The following ALCAM variants were observed in gnomAD, a reference collection of about 807,000 sequenced individuals.
ALCAM encodes CD166 antigen.
In ALCAM, 30 loss-of-function variants were observed where a neutral mutation model predicts 70.9. That is an observed-to-expected ratio of 0.42 (90% CI 0.32 to 0.57). The LOEUF is 0.57. Ranked by LOEUF, ALCAM falls within the 20% of genes least tolerant of loss-of-function variation. The pLI is 0.11. For synonymous variants in ALCAM, 249 were observed against 242.5 expected (o/e 1.03, Z -0.25); for missense variants, 591 against 695.1 (o/e 0.85, Z 1.68).
intron 1 of ALCAM, among the ~76,000 whole-genome samples, chr3:105,385,331 A>G (rs75713594): frequency 0.015 from 2,334 of 151,698 alleles, 26 homozygotes; most frequent in Middle Eastern, 0.048. Context: ...AAGCTGGAGG[A>G]CAAGTGAAGC....
intron 1 of ALCAM, among the ~76,000 whole-genome samples, chr3:105,495,172 C>T (rs187608468): frequency 3.3e-5 from 5 of 152,152 alleles, no homozygotes; most frequent in South Asian, 4.1e-4. Context: ...TCTGTGGTGA[C>T]GAGCTTGTGA....
intron 1 of ALCAM, among the ~76,000 whole-genome samples, chr3:105,369,406 C>G (rs1176386050): frequency 6.6e-6 from 1 of 152,204 alleles, no homozygotes; most frequent in Admixed American, 6.5e-5. Context: ...CCCGGCTCAC[C>G]GCAACCAGCC....
At chr3:105,517,937 C>G (rs1262462966) in intron 1 of ALCAM, among the ~76,000 whole-genome samples, 1 of 152,062 alleles carries the variant, frequency 6.6e-6, no homozygotes, top group Non-Finnish European at 1.5e-5. Flanking sequence ...AATACATGAT[C>G]TCTTCCCTGT....
chr3:105,509,058 G>A (rs2152619117), intron 1 of ALCAM, among the ~76,000 whole-genome samples: 1 of 152,164 alleles, frequency 6.6e-6, no homozygotes, highest in South Asian at 2.1e-4. Context: ...CCTTTGTTGA[G>A]GCTGAGTAAT....
intron 1 of ALCAM, among the ~76,000 whole-genome samples, chr3:105,381,622 T>A (rs1300288292): frequency 6.6e-6 from 1 of 151,922 alleles, no homozygotes; most frequent in East Asian, 1.9e-4. Flanking sequence ...CAGCCTATAG[T>A]TTACAGTGTC....
chr3:105,526,979 T>G (rs1224700135), intron 3 of ALCAM, among the ~76,000 whole-genome samples: 1 of 152,182 alleles, frequency 6.6e-6, no homozygotes, highest in Non-Finnish European at 1.5e-5. Context: ...CAAATTGTTT[T>G]TATTCTAACT....
In ALCAM at chr3:105,524,376, G is replaced by A. The variant is rs1301346763; in HGVS notation, c.262G>A (p.Asp88Asn). The A allele has an allele frequency of 6.2e-7, 1 of 1,614,086 alleles. No homozygotes were observed. ...VQYDDVPEYK[D>N]RLNLSENYTL... ...GTACGACGATGTACCAGAATACAAA[G>A]ACAGATTGAACCTCTCAGAAAACTA... Residue 88 changes from aspartate to asparagine, a missense_variant, in exon 3 of 16, where the codon GAC becomes AAC. Asp to Asn is a conservative substitution (Grantham distance 23). Coordinates refer to ENST00000306107, the MANE Select transcript of ALCAM (RefSeq NM_001627.4).
At chr3:105,526,503 G>T in intron 3 of ALCAM, among the ~76,000 whole-genome samples, 1 of 151,946 alleles carries the variant, frequency 6.6e-6, no homozygotes, top group Non-Finnish European at 1.5e-5. Flanking sequence ...TTCTCTTTTT[G>T]ATGTTGTTGA....
At chr3:105,375,359 T>C (rs1169105949) in intron 1 of ALCAM, among the ~76,000 whole-genome samples, 1 of 152,154 alleles carries the variant, frequency 6.6e-6, no homozygotes, top group Non-Finnish European at 1.5e-5. Context: ...TGTCTTGGAG[T>C]ACTTCACTGT....
chr3:105,501,777 C>G (rs547779467), intron 1 of ALCAM, among the ~76,000 whole-genome samples: 162 of 152,226 alleles, frequency 1.1e-3, no homozygotes, highest in African/African-American at 3.9e-3. Context: ...CTTCTAAGCT[C>G]ACAAGCTTAT....
In ALCAM at chr3:105,494,735, C is replaced by T. The variant is rs1296318723; in HGVS notation, c.74-25332C>T. Among the ~76,000 whole-genome samples the T allele has an allele frequency of 2.6e-5, 4 of 151,950 alleles. No individual in the cohort carries two copies. The South Asian group carries it at 6.2e-4, about 24-fold the overall frequency. On this transcript the variant is annotated intron_variant, in intron 1 of 15. Transcript: ENST00000306107. Reference sequence around the variant, plus strand: ...AATGTAACGTCACGATCATAGCCTACGACAGCTTTGAACTCCTGGGCTCAA... The same window carrying T: ...AATGTAACGTCACGATCATAGCCTATGACAGCTTTGAACTCCTGGGCTCAA...
intron 1 of ALCAM, among the ~76,000 whole-genome samples, chr3:105,454,496 T>C (rs1424445165): frequency 6.6e-6 from 1 of 152,068 alleles, no homozygotes; most frequent in Non-Finnish European, 1.5e-5. Flanking sequence ...CAGGGGAGAC[T>C]GAGTAGATCA....
Position 105,398,740 on chromosome 3 carries a change from A to G in ALCAM, c.73+31259A>G, listed in dbSNP as rs191497504. Reference sequence around the variant, plus strand: ...AACCATTAACCATAGCATGTTTAGGAGAGCCATTTATAAAGAAGCTGGTAA... The same window carrying G: ...AACCATTAACCATAGCATGTTTAGGGGAGCCATTTATAAAGAAGCTGGTAA... On this transcript the variant is annotated intron_variant, in intron 1 of 15. Coordinates refer to ENST00000306107, the MANE Select transcript of ALCAM (RefSeq NM_001627.4). Among the ~76,000 whole-genome samples the G allele has an allele frequency of 2.0e-5, 3 of 152,216 alleles. No individual in the cohort carries two copies. In the East Asian group the frequency reaches 5.8e-4, roughly 29 times the overall value.
chr3:105,459,612 A>T (rs1190534331), intron 1 of ALCAM, among the ~76,000 whole-genome samples: 1 of 152,026 alleles, frequency 6.6e-6, no homozygotes, highest in Non-Finnish European at 1.5e-5. Context: ...ATTAGATTGT[A>T]AGCCCTTGAA....
chr3:105,383,440 T>C (rs1935576292), intron 1 of ALCAM, among the ~76,000 whole-genome samples: 1 of 151,842 alleles, frequency 6.6e-6, no homozygotes, highest in Admixed American at 6.6e-5. Flanking sequence ...ACATGACAAT[T>C]GAATAAAGGC....
chr3:105,539,887 T>A, intron 6 of ALCAM, 88 bp from the exon 7 acceptor site: 1 of 1,356,668 alleles, frequency 7.4e-7, no homozygotes, highest in Non-Finnish European at 1.0e-6. Context: ...CTTGAGAAAA[T>A]TATGTATAAT....
intron 1 of ALCAM, among the ~76,000 whole-genome samples, chr3:105,408,945 A>T (rs1028341535): frequency 6.6e-6 from 1 of 152,182 alleles, no homozygotes; most frequent in African/African-American, 2.4e-5. Context: ...GCATAAGGAA[A>T]AAAGCTCAAC....
chr3:105,419,465 A>G (rs1407661592), intron 1 of ALCAM, among the ~76,000 whole-genome samples: 1 of 151,860 alleles, frequency 6.6e-6, no homozygotes, highest in Non-Finnish European at 1.5e-5. Context: ...GAGGAAGTAC[A>G]TCAAGAAAGG....
chr3:105,496,845 T>TGTGTGTGTGTGCATGC (rs1338905521), intron 1 of ALCAM, among the ~76,000 whole-genome samples: 1 of 151,620 alleles, frequency 6.6e-6, no homozygotes, highest in African/African-American at 2.4e-5. Flanking sequence ...TGTGTGTGTG[T>TGTGTGTGTGTGCATGC]GTGTGTGTGT....
Sources: allele counts gnomAD v4.1 joint callset (sites outside exome capture counted in the v4.1 genomes callset), GRCh38; gene constraint gnomAD v4.1.1; transcripts MANE v1.5; gene names NCBI Gene and HGNC (gene_info 2026-07-23, HGNC 2026-07-21).